DDX19B: variants seen among roughly 807,000 people sequenced by gnomAD.
DDX19B encodes DEAD-box helicase 19B.
In DDX19B, 27 loss-of-function variants were observed where a neutral mutation model predicts 58.1. The ratio of observed to expected loss-of-function variants is 0.46; its 90% CI spans 0.34 to 0.64. The LOEUF is 0.64. Ranked by LOEUF, DDX19B falls within the 30% of genes least tolerant of loss-of-function variation. The probability of loss-of-function intolerance (pLI) is 0.01; values close to 1 mark genes in which losing one functional copy is unlikely to be tolerated. For synonymous variants in DDX19B, 187 were observed against 214.4 expected (o/e 0.87, Z 1.12); for missense variants, 399 against 596.5 (o/e 0.67, Z 3.45).
chr16:70,313,474 T>A (rs1012812048), intron 2 of DDX19B, among the ~76,000 whole-genome samples: 2 of 152,080 alleles, frequency 1.3e-5, no homozygotes, highest in Non-Finnish European at 2.9e-5. Context: ...AATACAAGAA[T>A]GAGGATTGCA....
intron 5 of DDX19B, among the ~76,000 whole-genome samples, chr16:70,323,479 A>G (rs1182289726): frequency 6.8e-6 from 1 of 147,126 alleles, no homozygotes; most frequent in African/African-American, 2.5e-5. Flanking sequence ...GCTGGAGTAC[A>G]GTGGCGCGAT....
rs1488338464 is a variant in DDX19B at position 70,317,525 on chromosome 16, C to A, written c.326C>A (p.Ala109Asp). 6.2e-7 allele frequency: 1 copy of A among 1,613,184 alleles called. No individual in the cohort carries two copies. Among genetic ancestry groups the A allele is most frequent in the African/African-American group, 1.3e-5 (1 of 74,876 alleles). ...LKPQLLQGVYAMGFNRPSKIQ... is the reference protein window; with the variant it reads ...LKPQLLQGVYDMGFNRPSKIQ... Reference sequence around the variant, plus strand: ...CCACAGCTTCTCCAAGGAGTCTATGCCATGGGTTTCAATCGTCCATCCAAG... The same window carrying A: ...CCACAGCTTCTCCAAGGAGTCTATGACATGGGTTTCAATCGTCCATCCAAG... Residue 109 changes from alanine (A) to aspartate (D), a missense_variant, in exon 5 of 12, where the codon GCC becomes GAC. This residue lies in a region of DDX19B where 132 missense variants were observed against 159.4 expected (regional missense o/e 0.83). Coordinates refer to ENST00000288071, the MANE Select transcript of DDX19B (RefSeq NM_007242.7).
At chr16:70,306,136 GTTGTTGTTGTTGT>G (rs1331577019) in intron 1 of DDX19B, among the ~76,000 whole-genome samples, 1 of 151,216 alleles carries the variant, frequency 6.6e-6, no homozygotes, top group Non-Finnish European at 1.5e-5. Flanking sequence ...TTTTGTTGTT[GTTGTTGTTGTTGT>G]TTGTTGTTGT....
intron 1 of DDX19B, among the ~76,000 whole-genome samples, chr16:70,300,918 C>A (rs1961456403): frequency 6.6e-6 from 1 of 152,048 alleles, no homozygotes; most frequent in African/African-American, 2.4e-5. Flanking sequence ...ATCAATTCAA[C>A]CCCAAACTGT....
At chr16:70,300,427 C>T (rs780848070) in intron 1 of DDX19B, among the ~76,000 whole-genome samples, 2 of 151,982 alleles carry the variant, frequency 1.3e-5, no homozygotes, top group African/African-American at 4.8e-5. Flanking sequence ...AGGCTGGTCT[C>T]GAACTCCAGC....
At chr16:70,294,908 T>A, upstream of DDX19B, 1 of 1,525,786 alleles carries the variant, frequency 6.6e-7, no homozygotes, top group Non-Finnish European at 8.7e-7. Context: ...TCACCCTGCC[T>A]GTGGGCGACG....
At chr16:70,317,717 C>T (rs534352456) in intron 5 of DDX19B, 129 bp downstream of exon 5, 5 of 657,966 alleles carry the variant, frequency 7.6e-6, no homozygotes, top group South Asian at 6.8e-5. Flanking sequence ...GCAGGAGGAT[C>T]GTTTCAGGCC....
At chr16:70,327,511 C>T (rs1031217722) in intron 7 of DDX19B, among the ~76,000 whole-genome samples, 4 of 151,516 alleles carry the variant, frequency 2.6e-5, no homozygotes, top group South Asian at 2.1e-4. Context: ...CCAGCCTGGG[C>T]GATAGAGCAA....
chr16:70,330,000 G>A lies in DDX19B; in HGVS notation c.955G>A (p.Glu319Lys), dbSNP rs1307270798. Reference sequence around the variant, plus strand: ...CTATGTCCTGTGCAGCAGCAGAGACGAGAAGTTCCAGGCCTTGTGTAACCT... The same window carrying A: ...CTATGTCCTGTGCAGCAGCAGAGACAAGAAGTTCCAGGCCTTGTGTAACCT... The part of the protein sequence containing the change: ...QYYVLCSSRD[E>K]KFQALCNLYG... The change falls in exon 9 of 12, where the codon GAG becomes AAG. Residue 319 changes from glutamate to lysine, a missense_variant. By Grantham distance (56) the Glu-to-Lys change is moderately conservative. Around this residue, in one of 4 missense-constraint regions of DDX19B, gnomAD observed 198 missense variants for 345.9 expected, o/e 0.57. Transcript: ENST00000288071. 1.2e-6 allele frequency: 2 copies of A among 1,614,152 alleles called. No homozygotes were observed. The highest frequency in any genetic ancestry group is 1.1e-5 in the South Asian group (1 of 91,084).
Position 70,317,242 on chromosome 16 carries a change from A to G in DDX19B, c.297-254A>G, listed in dbSNP as rs1055853160. 4 of 222,136 alleles carry G rather than the reference A, an allele frequency of 1.8e-5. No individual in the cohort carries two copies. In the East Asian group the frequency reaches 3.6e-4, roughly 20 times the overall value. The allele number at this position is 222,136 out of a possible 1,614,324, so 13.8% of individuals were successfully genotyped here. A position where few individuals can be genotyped will look rare whatever the true frequency, so the allele number is the denominator to read the frequency against. On this transcript the variant is annotated intron_variant, in intron 4 of 11. Transcript: ENST00000288071. ...AAAAAAAAAAAAAAATTAGCGGGGC[A>G]TGGTGCCATGTACCTGTAATCCCAG...
upstream of DDX19B, among the ~76,000 whole-genome samples, chr16:70,293,593 C>A (rs1302218630): frequency 9.4e-6 from 1 of 106,946 alleles, no homozygotes; most frequent in Non-Finnish European, 1.9e-5. Flanking sequence ...ATGGGGATGG[C>A]TGAATTTTTT....
upstream of DDX19B, chr16:70,294,779 T>G: frequency 2.5e-4 from 320 of 1,287,368 alleles, no homozygotes; most frequent in Middle Eastern, 3.8e-4. Context: ...CCTCAGCCAA[T>G]GAGGCTCCGG....
intron 3 of DDX19B, among the ~76,000 whole-genome samples, chr16:70,315,243 C>T (rs1265004166): frequency 2.0e-5 from 3 of 151,204 alleles, no homozygotes; most frequent in South Asian, 2.1e-4. Context: ...AAAAATTAGC[C>T]GGGCATGGTG....
intron 2 of DDX19B, among the ~76,000 whole-genome samples, chr16:70,314,220 G>A (rs980179927): frequency 7.2e-5 from 11 of 152,070 alleles, no homozygotes; most frequent in Non-Finnish European, 1.3e-4. Context: ...GATAAAATAC[G>A]ATTTGCATAG....
rs118182075 is a variant in DDX19B, at chr16:70,313,991, C to T, written c.107-911C>T. 3.7e-4 allele frequency among the ~76,000 whole-genome samples: 57 copies of T among 152,124 alleles called. 1 individual carries two copies. The East Asian group carries it at 6.2e-3, about 17-fold the overall frequency. The stretch of plus-strand genomic sequence containing the variant: ...AGGTGTGGTGGTGCACCCCTGTAAT[C>T]CCAGCTACTCAGGATACTGAAACAG... On this transcript the variant is annotated intron_variant, in intron 2 of 11. Transcript: ENST00000288071.
intron 5 of DDX19B, among the ~76,000 whole-genome samples, chr16:70,323,537 C>T (rs1962966401): frequency 6.6e-6 from 1 of 151,914 alleles, no homozygotes; most frequent in Admixed American, 6.6e-5. Flanking sequence ...GATTCTCCTG[C>T]CTCAGCCTCC....
At chr16:70,312,504 G>T in intron 1 of DDX19B, 105 bp from the exon 2 acceptor site, 1 of 983,548 alleles carries the variant, frequency 1.0e-6, no homozygotes, top group Non-Finnish European at 1.6e-6. Flanking sequence ...TATACCTTGA[G>T]AATGGCTATT....
intron 10 of DDX19B, 147 bp downstream of exon 10, chr16:70,332,031 T>G: frequency 7.7e-7 from 1 of 1,291,526 alleles, no homozygotes; most frequent in South Asian, 1.8e-5. Context: ...GAGAGACTGT[T>G]TGGATTTCCC....
Position 70,324,037 on chromosome 16 carries a change from C to T in DDX19B, c.390-548C>T, listed in dbSNP as rs181339345. Among the ~76,000 whole-genome samples the T allele has an allele frequency of 1.1e-4, 16 of 151,738 alleles. No homozygotes were observed. The East Asian group carries it at 1.7e-3, about 17-fold the overall frequency. On this transcript the variant is annotated intron_variant, in intron 5 of 11. Transcript: ENST00000288071. ...GCAGTACTAGGGCCCTGTGGTGGAA[C>T]GAAGTAAGGGAGAGAGAGTAGTAGG...
Sources: allele counts gnomAD v4.1 joint callset (sites outside exome capture counted in the v4.1 genomes callset), GRCh38; gene constraint gnomAD v4.1.1; regional missense constraint gnomAD v4.1.1; transcripts MANE v1.5; gene names NCBI Gene and HGNC (gene_info 2026-07-23, HGNC 2026-07-21).